The following JAZF1 variants were observed in gnomAD, a reference collection of about 807,000 sequenced individuals.
JAZF1 encodes JAZF zinc finger 1.
In JAZF1, 8 loss-of-function variants were observed where a neutral mutation model predicts 26.4. The ratio of observed to expected loss-of-function variants is 0.30; its 90% CI spans 0.18 to 0.55. The LOEUF is 0.55. JAZF1 is among the 20% of genes least tolerant of loss of function. The pLI, the probability that JAZF1 is intolerant of heterozygous loss-of-function variation, is 0.94. For missense variants in JAZF1, 199 were observed against 322.0 expected, an observed-to-expected ratio of 0.62 and a Z score of 2.92; for synonymous variants, 126 against 122.3, an observed-to-expected ratio of 1.03 and a Z score of -0.20.
At chr7:27,900,307 A>G (rs964182282) in intron 2 of JAZF1, among the ~76,000 whole-genome samples, 3 of 152,254 alleles carry the variant, frequency 2.0e-5, no homozygotes, top group Non-Finnish European at 2.9e-5. Context: ...AATTAAATCA[A>G]GTGCTTTGTT....
chr7:27,874,150 C>T (rs57065779), intron 3 of JAZF1, among the ~76,000 whole-genome samples: 1,756 of 152,292 alleles, frequency 0.012, 42 homozygotes, highest in African/African-American at 0.04. Context: ...AAGGTCACTG[C>T]CCAGGAAGGC....
rs902831658 is a variant in JAZF1 at position 27,981,790 on chromosome 7, G to A, written c.188+10119C>T. 1.6e-4 allele frequency among the ~76,000 whole-genome samples: 24 copies of A among 152,072 alleles called. 1 individual carries two copies. Among genetic ancestry groups the A allele is most frequent in the Admixed American group, 1.2e-3 (18 of 15,268 alleles). ...ACTTTCTCCGAGATGACTTATCCAA[G>A]AAATTTCACACCCACTGATCATGCC... On this transcript the variant is annotated intron_variant, in intron 2 of 4. Coordinates refer to ENST00000283928, the MANE Select transcript of JAZF1 (RefSeq NM_175061.4).
intron 1 of JAZF1, 172 bp from the exon 2 acceptor site, chr7:27,992,153 A>T: frequency 1.5e-6 from 1 of 680,638 alleles, no homozygotes; most frequent in African/African-American, 1.8e-5. Flanking sequence ...TTCATAAATA[A>T]CAAGATATTG....
Position 28,137,177 on chromosome 7 carries a change from A to C in JAZF1, c.115+43286T>G, listed in dbSNP as rs570292928. 7.9e-5 allele frequency among the ~76,000 whole-genome samples: 12 copies of C among 152,312 alleles called. No individual in the cohort carries two copies. In the South Asian group the frequency reaches 2.5e-3, roughly 32 times the overall value. Reference sequence around the variant, plus strand: ...CCTCTCACTCCAAAGCCTGCAGAGAACTGCGGTGCTGTTTGGCCTCTGAGG... The same window carrying C: ...CCTCTCACTCCAAAGCCTGCAGAGACCTGCGGTGCTGTTTGGCCTCTGAGG... On this transcript the variant is annotated intron_variant, in intron 1 of 4. Coordinates refer to ENST00000283928, the MANE Select transcript of JAZF1 (RefSeq NM_175061.4).
rs146488956 is a variant in JAZF1, at chr7:27,872,635, T to C, written c.385+22585A>G. Among the ~76,000 whole-genome samples the C allele has an allele frequency of 4.8e-4, 73 of 152,302 alleles. 2 individuals are homozygous for C. The Middle Eastern group carries it at 0.02, about 43-fold the overall frequency. ...TTAAAAACAGTTGAACTGGGGAAAA[T>C]GAACATCTGTTACTTACTTACACTC... On this transcript the variant is annotated intron_variant, in intron 3 of 4. Transcript: ENST00000283928.
intron 1 of JAZF1, among the ~76,000 whole-genome samples, chr7:28,026,664 G>A (rs1783099812): frequency 6.6e-6 from 1 of 152,146 alleles, no homozygotes; most frequent in African/African-American, 2.4e-5. Flanking sequence ...CCATGCAAAG[G>A]CTATATTTTC....
At chr7:28,085,663 G>C (rs1273715101) in intron 1 of JAZF1, among the ~76,000 whole-genome samples, 7 of 152,126 alleles carry the variant, frequency 4.6e-5, no homozygotes, top group Non-Finnish European at 1.0e-4. Context: ...TGCAAACTGA[G>C]CTCAGTAATC....
intron 1 of JAZF1, among the ~76,000 whole-genome samples, chr7:28,163,244 A>G (rs1199464005): frequency 1.3e-5 from 2 of 152,248 alleles, no homozygotes; most frequent in African/African-American, 2.4e-5. Flanking sequence ...GTCACACAGC[A>G]GTCCAACCAG....
chr7:28,095,640 C>T (rs2127924625), intron 1 of JAZF1, among the ~76,000 whole-genome samples: 1 of 152,334 alleles, frequency 6.6e-6, no homozygotes, highest in East Asian at 1.9e-4. Flanking sequence ...CTCTGGCTTT[C>T]TGCTCATCTT....
chr7:28,009,715 C>T (rs1782765806), intron 1 of JAZF1, among the ~76,000 whole-genome samples: 1 of 152,134 alleles, frequency 6.6e-6, no homozygotes, highest in East Asian at 1.9e-4. Flanking sequence ...GATCTCCTGA[C>T]CTCGTGATCT....
intron 3 of JAZF1, among the ~76,000 whole-genome samples, chr7:27,886,198 C>T (rs534415349): frequency 6.6e-6 from 1 of 152,330 alleles, no homozygotes; most frequent in Admixed American, 6.5e-5. Flanking sequence ...AAAGTAAACA[C>T]TGCCTCCATT....
Position 27,947,495 on chromosome 7 carries a change from G to C in JAZF1, c.188+44414C>G, listed in dbSNP as rs554959995. 2.0e-5 allele frequency among the ~76,000 whole-genome samples: 3 copies of C among 152,300 alleles called. No individual in the cohort carries two copies. In the South Asian group the frequency reaches 6.2e-4, roughly 32 times the overall value. ...TGTTTTTGGCATTTGTGGCTTATGA[G>C]AGCCTCTGCTATTCCTTTCAAGTGA... On this transcript the variant is annotated intron_variant, in intron 2 of 4. Transcript: ENST00000283928.
chr7:28,117,155 T>A (rs538138840), intron 1 of JAZF1, among the ~76,000 whole-genome samples: 28 of 152,212 alleles, frequency 1.8e-4, no homozygotes, highest in African/African-American at 6.8e-4. Context: ...CCACTGCAAA[T>A]AGTTTCTTCT....
intron 2 of JAZF1, among the ~76,000 whole-genome samples, chr7:27,977,528 G>C (rs1329693497): frequency 6.6e-6 from 1 of 152,074 alleles, no homozygotes; most frequent in African/African-American, 2.4e-5. Flanking sequence ...TTCTATACTG[G>C]CTGGGCTGGA....
intron 1 of JAZF1, among the ~76,000 whole-genome samples, chr7:28,039,250 C>T (rs1037013890): frequency 6.6e-6 from 1 of 152,126 alleles, no homozygotes; most frequent in Non-Finnish European, 1.5e-5. Context: ...ATTGGGAACA[C>T]ACGCACATGC....
chr7:27,845,383 C>T (rs1043375000), intron 3 of JAZF1, among the ~76,000 whole-genome samples: 1 of 152,128 alleles, frequency 6.6e-6, no homozygotes, highest in African/African-American at 2.4e-5. Flanking sequence ...CTGAATCCCA[C>T]GCTCATCTTG....
At chr7:28,002,150 A>G (rs1223705870) in intron 1 of JAZF1, among the ~76,000 whole-genome samples, 3 of 152,236 alleles carry the variant, frequency 2.0e-5, no homozygotes, top group African/African-American at 7.2e-5. Flanking sequence ...ATCATATTCC[A>G]TAAAACCCCA....
chr7:28,092,208 TC>T (rs1784308609), intron 1 of JAZF1, among the ~76,000 whole-genome samples: 1 of 142,886 alleles, frequency 7.0e-6, no homozygotes, highest in Non-Finnish European at 1.5e-5. Flanking sequence ...GTTTAAACTA[TC>T]AACTTCTAAT....
At chr7:28,064,273 C>A (rs951456617) in intron 1 of JAZF1, among the ~76,000 whole-genome samples, 1 of 152,006 alleles carries the variant, frequency 6.6e-6, no homozygotes, top group Non-Finnish European at 1.5e-5. Flanking sequence ...CAAACCTCAT[C>A]ATTTTCTACT....
Sources: allele counts gnomAD v4.1 joint callset (sites outside exome capture counted in the v4.1 genomes callset), GRCh38; gene constraint gnomAD v4.1.1; transcripts MANE v1.5; gene names NCBI Gene and HGNC (gene_info 2026-07-23, HGNC 2026-07-21).